The following LTBP1 variants were observed in gnomAD, a reference collection of about 807,000 sequenced individuals.
LTBP1 encodes the protein latent-transforming growth factor beta-binding protein 1.
A neutral mutation model predicts 207.6 loss-of-function variants in LTBP1; 129 were observed. The observed-to-expected ratio is 0.62, with a 90% CI of 0.54 to 0.72. The LOEUF (loss-of-function observed/expected upper bound fraction) is 0.72, where lower values mean the gene tolerates loss of function less well. Ranked by LOEUF, LTBP1 falls within the 30% of genes least tolerant of loss-of-function variation. The pLI, the probability that LTBP1 is intolerant of heterozygous loss-of-function variation, is 0.00. For missense variants in LTBP1, 2,281 were observed against 2,217.2 expected (o/e 1.03, Z -0.58); for synonymous variants, 963 against 833.7 (o/e 1.16, Z -2.67).
chr2:33,295,254 G>T (rs536745433), intron 20 of LTBP1, among the ~76,000 whole-genome samples: 2 of 151,500 alleles, frequency 1.3e-5, no homozygotes, highest in African/African-American at 4.9e-5. Context: ...ATATATAAAC[G>T]TATGTACATG....
chr2:33,335,262 C>T (rs920818842), intron 24 of LTBP1, among the ~76,000 whole-genome samples: 5 of 151,516 alleles, frequency 3.3e-5, no homozygotes, highest in African/African-American at 4.9e-5. Flanking sequence ...AATTTGTTAC[C>T]TATGTCATTT....
At chr2:33,201,297 A>G (rs1280915870) in intron 7 of LTBP1, among the ~76,000 whole-genome samples, 2 of 152,344 alleles carry the variant, frequency 1.3e-5, no homozygotes, top group South Asian at 4.1e-4. Flanking sequence ...CTATGCAGCC[A>G]TAAAAAATGA....
intron 4 of LTBP1, among the ~76,000 whole-genome samples, chr2:33,128,586 A>T (rs2081583272): frequency 6.6e-6 from 1 of 152,228 alleles, no homozygotes; most frequent in South Asian, 2.1e-4. Flanking sequence ...GAAAAAATGT[A>T]TCTTTTAAAT....
intron 26 of LTBP1, among the ~76,000 whole-genome samples, chr2:33,356,422 G>A (rs1477662089): frequency 1.3e-5 from 2 of 152,210 alleles, no homozygotes; most frequent in African/African-American, 4.8e-5. Context: ...ACTCACGCCT[G>A]TAATCCCAGC....
Position 33,315,280 on chromosome 2 carries a change from C to G in LTBP1, c.3730+11C>G. On this transcript the variant is annotated intron_variant, in intron 24 of 33. Transcript: ENST00000404816. Reference sequence around the variant, plus strand: ...GCCGTACGTGTGAAGGTAAGATAAACCATACGAAATCATATTGTTGTGTGA... The same window carrying G: ...GCCGTACGTGTGAAGGTAAGATAAAGCATACGAAATCATATTGTTGTGTGA... The G allele has an allele frequency of 6.2e-7, 1 of 1,609,294 alleles. No individual in the cohort carries two copies. Among genetic ancestry groups the G allele is most frequent in the Non-Finnish European group, 8.5e-7 (1 of 1,178,998 alleles).
intron 9 of LTBP1, among the ~76,000 whole-genome samples, chr2:33,237,248 CA>C (rs1341891877): frequency 2.0e-5 from 3 of 152,114 alleles, no homozygotes; most frequent in Non-Finnish European, 4.4e-5. Flanking sequence ...CACAGAAAAA[CA>C]AGAGATTTTG....
chr2:33,183,921 C>T (rs577440092), intron 5 of LTBP1, among the ~76,000 whole-genome samples: 32 of 152,256 alleles, frequency 2.1e-4, no homozygotes, highest in African/African-American at 6.0e-4. Context: ...CTGCAGCCTA[C>T]GCCCTGAAGA....
At chr2:33,078,862 C>CTTTTTTTTTTTTTTTTTT (rs34843933) in intron 3 of LTBP1, among the ~76,000 whole-genome samples, 19 of 106,884 alleles carry the variant, frequency 1.8e-4, no homozygotes, top group South Asian at 3.6e-4. Context: ...CTTTTCTTTT[C>CTTTTTTTTTTTTTTTTTT]TTTTTTTTTT....
At chr2:33,268,270 C>T (rs983965799) in intron 15 of LTBP1, among the ~76,000 whole-genome samples, 1 of 152,176 alleles carries the variant, frequency 6.6e-6, no homozygotes, top group African/African-American at 2.4e-5. Context: ...CTCATCAGTT[C>T]TCTCAGGAAT....
intron 31 of LTBP1, among the ~76,000 whole-genome samples, chr2:33,381,180 C>T (rs2095210425): frequency 6.6e-6 from 1 of 152,166 alleles, no homozygotes; most frequent in Non-Finnish European, 1.5e-5. Context: ...TAATATATTT[C>T]CTATGCCCCA....
chr2:33,139,965 A>T (rs2082508361), intron 5 of LTBP1, among the ~76,000 whole-genome samples: 1 of 152,228 alleles, frequency 6.6e-6, no homozygotes. Flanking sequence ...AAGTTCTCTG[A>T]AAGAAGTTGA....
chr2:32,955,630 A>ATT (rs5830247), intron 2 of LTBP1, among the ~76,000 whole-genome samples: 2 of 151,784 alleles, frequency 1.3e-5, no homozygotes, highest in Admixed American at 6.6e-5. Flanking sequence ...TTTTCCACAA[A>ATT]TTTTTTTTAA....
At position 32,947,341 on chromosome 2, in the gene LTBP1, T is replaced by C; in HGVS notation, c.17T>C (p.Leu6Pro). Residue 6 changes from leucine to proline, a missense_variant, in exon 1 of 34, where the codon CTC (leucine) becomes CCC (proline). Physicochemically the swap from Leu to Pro is moderately conservative, Grantham distance 98. Around this residue, in one of 3 missense-constraint regions of LTBP1, gnomAD observed 555 missense variants for 491.0 expected, o/e 1.13. Coordinates refer to ENST00000404816, the MANE Select transcript of LTBP1 (RefSeq NM_206943.4). MAGAW[L>P]RWGLLLWAGL... ...GGGCCCGCGATGGCGGGGGCCTGGC[T>C]CAGGTGGGGGCTCCTGCTCTGGGCA... 8 of 1,240,202 alleles carry C rather than the reference T, an allele frequency of 6.5e-6. No individual in the cohort carries two copies. Among genetic ancestry groups the C allele is most frequent in the Non-Finnish European group, 8.1e-6 (8 of 992,554 alleles). 76.8% of individuals were successfully genotyped at this position (1,240,202 alleles called of 1,614,324 possible). A position where few individuals can be genotyped will look rare whatever the true frequency, so the allele number is the denominator to read the frequency against.
At chr2:32,971,180 A>G (rs973314766) in intron 2 of LTBP1, among the ~76,000 whole-genome samples, 7 of 152,190 alleles carry the variant, frequency 4.6e-5, no homozygotes, top group Non-Finnish European at 7.4e-5. Flanking sequence ...TATCACATCT[A>G]GGAGTTTTTG....
intron 22 of LTBP1, among the ~76,000 whole-genome samples, chr2:33,307,093 A>G (rs986047212): frequency 2.6e-5 from 4 of 152,198 alleles, no homozygotes; most frequent in African/African-American, 9.6e-5. Context: ...CTCAAAAACA[A>G]AACAAAACAT....
intron 19 of LTBP1, among the ~76,000 whole-genome samples, chr2:33,282,091 A>G (rs1423306912): frequency 1.3e-5 from 2 of 149,024 alleles, no homozygotes; most frequent in African/African-American, 4.9e-5. Flanking sequence ...ATATATATAA[A>G]CTTTAGTGAT....
intron 3 of LTBP1, among the ~76,000 whole-genome samples, chr2:33,107,383 C>G (rs1306979404): frequency 6.6e-6 from 1 of 152,110 alleles, no homozygotes; most frequent in Non-Finnish European, 1.5e-5. Flanking sequence ...AATCTCTTTA[C>G]AGATTTGTTG....
At chr2:33,056,275 G>T in intron 3 of LTBP1, 1 of 569,812 alleles carries the variant, frequency 1.8e-6, no homozygotes, top group South Asian at 5.5e-5. Context: ...TGTGATGCCT[G>T]AGTGTTTCCC....
chr2:33,108,465 T>C (rs943791316), intron 3 of LTBP1, among the ~76,000 whole-genome samples: 1 of 152,152 alleles, frequency 6.6e-6, no homozygotes, highest in Non-Finnish European at 1.5e-5. Context: ...TTACCTAGTT[T>C]ATTACATTTC....
Sources: allele counts gnomAD v4.1 joint callset (sites outside exome capture counted in the v4.1 genomes callset), GRCh38; gene constraint gnomAD v4.1.1; regional missense constraint gnomAD v4.1.1; transcripts MANE v1.5; gene names NCBI Gene and HGNC (gene_info 2026-07-23, HGNC 2026-07-21).